SLC39A9: variants seen among roughly 807,000 people sequenced by gnomAD.
SLC39A9 encodes zinc transporter ZIP9.
In SLC39A9, 14 loss-of-function variants were observed where a neutral mutation model predicts 28.4. That is an observed-to-expected ratio of 0.49 (90% CI 0.33 to 0.77). The LOEUF is 0.77. Ranked by LOEUF, SLC39A9 falls within the 30% of genes least tolerant of loss-of-function variation. The pLI, the probability that SLC39A9 is intolerant of heterozygous loss-of-function variation, is 0.02. For missense variants in SLC39A9, 283 were observed against 381.1 expected (o/e 0.74, Z 2.14); for synonymous variants, 119 against 149.6 (o/e 0.80, Z 1.49).
In SLC39A9 at chr14:69,424,109, G is replaced by T. The variant is rs1333707360; in HGVS notation, c.112G>T (p.Val38Leu). The change falls in exon 2 of 7, where the codon GTG becomes TTG. Residue 38 changes from valine to leucine, a missense_variant. Coordinates refer to ENST00000336643, the MANE Select transcript of SLC39A9 (RefSeq NM_018375.5). Reference protein sequence around the residue: ...VNFSEERLKLVTVLGAGLLCG... With the variant: ...VNFSEERLKLLTVLGAGLLCG... ...TTCTCCCCAGGAACGACTGAAGCTGGTGACTGTTTTGGGTGCTGGCCTTCT... is the reference window on the plus strand; with the variant it reads ...TTCTCCCCAGGAACGACTGAAGCTGTTGACTGTTTTGGGTGCTGGCCTTCT... The T allele has an allele frequency of 5.0e-6, 8 of 1,613,786 alleles. No homozygotes were observed. The highest frequency in any genetic ancestry group is 6.8e-6 in the Non-Finnish European group (8 of 1,179,766).
intron 2 of SLC39A9, chr14:69,428,975 C>T (rs918795472): frequency 1.3e-5 from 2 of 152,320 alleles, no homozygotes; most frequent in Non-Finnish European, 2.9e-5. Context: ...TGTTCCTGCT[C>T]ATTGCTCTCA....
upstream of SLC39A9, chr14:69,398,473 T>C (rs1882432805): frequency 1.7e-6 from 1 of 599,914 alleles, no homozygotes; most frequent in Admixed American, 3.0e-5. Flanking sequence ...TTCCAAGCTT[T>C]AGGAAGAATT....
intron 2 of SLC39A9, among the ~76,000 whole-genome samples, chr14:69,435,207 T>G (rs1884682175): frequency 6.6e-6 from 1 of 152,234 alleles, no homozygotes; most frequent in Non-Finnish European, 1.5e-5. Context: ...AGCTTTTGCT[T>G]TATGTATGTT....
chr14:69,427,746 T>A (rs1884274106), intron 2 of SLC39A9, among the ~76,000 whole-genome samples: 1 of 152,182 alleles, frequency 6.6e-6, no homozygotes, highest in South Asian at 2.1e-4. Flanking sequence ...GGAAAATGTG[T>A]ATTATGGAAA....
intron 1 of SLC39A9, among the ~76,000 whole-genome samples, chr14:69,413,623 T>C (rs1883406479): frequency 6.6e-6 from 1 of 152,180 alleles, no homozygotes; most frequent in African/African-American, 2.4e-5. Context: ...TAGAGAAGAA[T>C]TACAACTATT....
intron 1 of SLC39A9, among the ~76,000 whole-genome samples, chr14:69,417,397 CAGAT>C (rs1397282118): frequency 6.6e-6 from 1 of 152,184 alleles, no homozygotes; most frequent in African/African-American, 2.4e-5. Flanking sequence ...AGTTGGAAGT[CAGAT>C]AGTGTGATGC....
intron 1 of SLC39A9, among the ~76,000 whole-genome samples, chr14:69,419,593 C>T (rs1478151671): frequency 6.6e-6 from 1 of 152,168 alleles, no homozygotes; most frequent in African/African-American, 2.4e-5. Context: ...CTAATATTGA[C>T]AGTGGGGTGT....
intron 3 of SLC39A9, among the ~76,000 whole-genome samples, chr14:69,452,263 T>G (rs1885644510): frequency 2.0e-5 from 3 of 152,212 alleles, no homozygotes; most frequent in African/African-American, 7.2e-5. Context: ...ATATAGCAGT[T>G]TGCCCTGAAT....
chr14:69,406,694 A>G (rs1594899284), intron 1 of SLC39A9, among the ~76,000 whole-genome samples: 1 of 151,854 alleles, frequency 6.6e-6, no homozygotes, highest in African/African-American at 2.4e-5. Context: ...TTAAAAAAAA[A>G]AAAAAAAAGT....
intron 1 of SLC39A9, 114 bp from the exon 2 acceptor site, chr14:69,423,980 T>C (rs1317608352): frequency 1.1e-5 from 7 of 666,094 alleles, no homozygotes; most frequent in Admixed American, 1.0e-4. Flanking sequence ...CGCTGTCTAT[T>C]GTAGATGTTG....
intron 5 of SLC39A9, 152 bp downstream of exon 5, chr14:69,455,049 C>T (rs1885794364): frequency 3.4e-6 from 2 of 588,064 alleles, no homozygotes; most frequent in South Asian, 5.8e-5. Flanking sequence ...TTCATAGCTT[C>T]TTGTTCCCAT....
At chr14:69,430,300 T>G (rs1884422267) in intron 2 of SLC39A9, among the ~76,000 whole-genome samples, 1 of 152,244 alleles carries the variant, frequency 6.6e-6, no homozygotes, top group Non-Finnish European at 1.5e-5. Context: ...CTCTTTTGTT[T>G]TCTTCTAGAA....
At chr14:69,426,788 A>G (rs1406902110) in intron 2 of SLC39A9, among the ~76,000 whole-genome samples, 2 of 152,226 alleles carry the variant, frequency 1.3e-5, no homozygotes. Context: ...AACAAAGGCT[A>G]TGTAAGTTAT....
At chr14:69,457,347 C>T (rs1037157962) in intron 6 of SLC39A9, among the ~76,000 whole-genome samples, 5 of 152,078 alleles carry the variant, frequency 3.3e-5, no homozygotes, top group South Asian at 4.2e-4. Context: ...GGATTACAGG[C>T]GCCCGCCACC....
intron 1 of SLC39A9, among the ~76,000 whole-genome samples, chr14:69,415,528 C>T (rs2140262550): frequency 6.6e-6 from 1 of 152,232 alleles, no homozygotes; most frequent in Non-Finnish European, 1.5e-5. Flanking sequence ...AATCCTTTGT[C>T]AGCGTCATGG....
chr14:69,437,188 C>G (rs1884807198), intron 2 of SLC39A9, among the ~76,000 whole-genome samples: 1 of 152,062 alleles, frequency 6.6e-6, no homozygotes, highest in Non-Finnish European at 1.5e-5. Flanking sequence ...TTTCTATTTG[C>G]TCTGGCCAGA....
chr14:69,416,848 G>A lies in SLC39A9; in HGVS notation c.97-7246G>A, dbSNP rs1481300505. 3.3e-5 allele frequency among the ~76,000 whole-genome samples: 5 copies of A among 152,152 alleles called. No individual in the cohort carries two copies. In the South Asian group the frequency reaches 6.2e-4, roughly 19 times the overall value. ...CATTTTTTCTTGTAAATTTGTTTAA[G>A]TTCTTTGTAGATTCTGGATATTAGC... On this transcript the variant is annotated intron_variant, in intron 1 of 6. Transcript: ENST00000336643.
At chr14:69,400,546 A>T (rs984829154) in intron 1 of SLC39A9, among the ~76,000 whole-genome samples, 1 of 152,236 alleles carries the variant, frequency 6.6e-6, no homozygotes, top group Non-Finnish European at 1.5e-5. Flanking sequence ...TCAGCAGTAA[A>T]ATAGGCCCTA....
chr14:69,441,907 C>T, intron 2 of SLC39A9, 162 bp from the exon 3 acceptor site: 1 of 1,398,518 alleles, frequency 7.2e-7, no homozygotes, highest in Middle Eastern at 2.4e-4. Flanking sequence ...TCATCATGAA[C>T]TTTAAGTTGA....
Sources: allele counts gnomAD v4.1 joint callset (sites outside exome capture counted in the v4.1 genomes callset), GRCh38; gene constraint gnomAD v4.1.1; transcripts MANE v1.5; gene names NCBI Gene and HGNC (gene_info 2026-07-23, HGNC 2026-07-21).